PXN: variants seen among roughly 807,000 people sequenced by gnomAD.
The protein encoded by PXN is testicular tissue protein Li 134.
PXN carries 61 observed loss-of-function variants against 103.6 expected under a neutral mutation model. The ratio of observed to expected loss-of-function variants is 0.59; its 90% CI spans 0.48 to 0.73. The LOEUF (loss-of-function observed/expected upper bound fraction) is 0.73, where lower values mean the gene tolerates loss of function less well. Ranked by LOEUF, PXN falls within the 30% of genes least tolerant of loss-of-function variation. PXN has a pLI of 0.00. For missense variants in PXN, 1,274 were observed against 1,460.3 expected (o/e 0.87, Z 2.08); for synonymous variants, 562 against 607.8 (o/e 0.92, Z 1.11).
In PXN at chr12:120,223,772, T is replaced by A. The variant is rs1418288625; in HGVS notation, c.302A>T (p.Gln101Leu). The part of the protein sequence containing the change: ...SAKTSSVSNP[Q>L]DSVGSPCSRV... ...GGAGCACGGAGAGCCAACACTGTCC[T>A]GAGGGTTGGAGACACTGGAAGTTTT... Residue 101 changes from glutamine (Q) to leucine (L), a missense_variant, in exon 3 of 15, where the codon CAG becomes CTG. Coordinates refer to ENST00000637617, the MANE Select transcript of PXN (RefSeq NM_001385981.1). The A allele has an allele frequency of 6.2e-7, 1 of 1,610,174 alleles. No individual in the cohort carries two copies. Among genetic ancestry groups the A allele is most frequent in the Middle Eastern group, 1.7e-4 (1 of 6,058 alleles).
chr12:120,225,005 G>A lies in PXN; in HGVS notation c.14-628C>T. 3.2e-6 allele frequency: 1 copy of A among 315,850 alleles called. No homozygotes were observed. Among genetic ancestry groups the A allele is most frequent in the South Asian group, 2.6e-5 (1 of 38,678 alleles). The allele number at this position is 315,850 out of a possible 1,614,324, so 19.6% of individuals were successfully genotyped here. On this transcript the variant is annotated intron_variant, in intron 1 of 14. Transcript: ENST00000637617. The surrounding 1 kb of genome is among the most constrained non-coding windows in gnomAD (Gnocchi z 4.4). ...CGGTCCCCACCCCCTCAGTGAGCAG[G>A]GGGCAAGACTGCTCCATTGGCTGTT...
intron 1 of PXN, among the ~76,000 whole-genome samples, chr12:120,238,034 G>A (rs1033897472): frequency 1.3e-5 from 2 of 152,354 alleles, no homozygotes; most frequent in South Asian, 2.1e-4. Flanking sequence ...CAATTTCTCC[G>A]GAGGCCCGGA....
intron 1 of PXN, among the ~76,000 whole-genome samples, chr12:120,250,540 G>A (rs1464752458): frequency 6.6e-6 from 1 of 152,158 alleles, no homozygotes; most frequent in Non-Finnish European, 1.5e-5. Flanking sequence ...ACAGCTCCCT[G>A]TGGCAGCTCT....
intron 1 of PXN, among the ~76,000 whole-genome samples, chr12:120,252,001 C>A (rs1171380013): frequency 2.0e-5 from 3 of 151,984 alleles, no homozygotes; most frequent in Non-Finnish European, 2.9e-5. Context: ...ATTAGGAGAC[C>A]AAGGCTCAGA....
rs1461684003 is a variant in PXN at position 120,222,837 on chromosome 12, A to AC, written c.493+25dup. The AC allele has an allele frequency of 1.2e-6, 2 of 1,611,224 alleles. No homozygotes were observed. Among genetic ancestry groups the AC allele is most frequent in the East Asian group, 2.2e-5 (1 of 44,774 alleles). On this transcript the variant is annotated intron_variant, in intron 4 of 14. Coordinates refer to ENST00000637617, the MANE Select transcript of PXN (RefSeq NM_001385981.1). The surrounding 1 kb of genome is among the most constrained non-coding windows in gnomAD (Gnocchi z 4.7). Reference sequence around the variant, plus strand: ...GCAGATGGGCCCTGGGCCCTGGTAGACCCTGCCCCAGGGACCCGGTCCTAC... The same window carrying AC: ...GCAGATGGGCCCTGGGCCCTGGTAGACCCCTGCCCCAGGGACCCGGTCCTAC...
At chr12:120,227,431 G>T (rs1887110377) in intron 1 of PXN, among the ~76,000 whole-genome samples, 1 of 152,232 alleles carries the variant, frequency 6.6e-6, no homozygotes, top group Admixed American at 6.5e-5. Flanking sequence ...AGCCCAGGAG[G>T]TCAAGACTAC....
chr12:120,232,766 C>G (rs896467611), intron 1 of PXN, among the ~76,000 whole-genome samples: 2 of 152,110 alleles, frequency 1.3e-5, no homozygotes, highest in East Asian at 3.9e-4. Context: ...ACAAAAAGTT[C>G]AAAAGTTTGC....
rs186317892 is a variant in PXN at position 120,248,993 on chromosome 12, C to T, written c.13+16624G>A. On this transcript the variant is annotated intron_variant, in intron 1 of 14. Coordinates refer to ENST00000637617, the MANE Select transcript of PXN (RefSeq NM_001385981.1). ...CTCTACTAAAAATACAAAACTTAGT[C>T]AGATATGGTGTTGGGCACCTGTGAT... 2.0e-4 allele frequency among the ~76,000 whole-genome samples: 30 copies of T among 152,070 alleles called. No individual in the cohort carries two copies. In the East Asian group the frequency reaches 4.4e-3, roughly 23 times the overall value.
At chr12:120,246,134 C>T (rs370444660) in intron 1 of PXN, among the ~76,000 whole-genome samples, 145 of 152,094 alleles carry the variant, frequency 9.5e-4, no homozygotes, top group African/African-American at 3.3e-3. Context: ...CACCTATAAT[C>T]CCAGCGCATT....
In PXN at chr12:120,221,251, T is replaced by G. The variant is rs529815289; in HGVS notation, c.831+372A>C. Among the ~76,000 whole-genome samples, 15 of 152,226 alleles carry G rather than the reference T, an allele frequency of 9.9e-5. No homozygotes were observed. In the South Asian group the frequency reaches 3.1e-3, roughly 32 times the overall value. ...CAGGCACAGGCTCCCAAGTCCCACA[T>G]GGCCCAGCAGAGAATGCCCTCCCCC... is the stretch of plus-strand genomic sequence containing the variant. On this transcript the variant is annotated intron_variant, in intron 6 of 14. Coordinates refer to ENST00000637617, the MANE Select transcript of PXN (RefSeq NM_001385981.1). The surrounding 1 kb of genome is among the most constrained non-coding windows in gnomAD (Gnocchi z 6.6).
intron 1 of PXN, among the ~76,000 whole-genome samples, chr12:120,239,378 C>T (rs1201180886): frequency 4.6e-5 from 7 of 152,158 alleles, no homozygotes; most frequent in Non-Finnish European, 8.8e-5. Flanking sequence ...GTCAGGAGTT[C>T]GAGACCAGCC....
chr12:120,224,016 G>C lies in PXN; in HGVS notation c.240+135C>G, dbSNP rs1045137451. 3 of 817,040 alleles carry C rather than the reference G, an allele frequency of 3.7e-6. No individual in the cohort carries two copies. The South Asian group carries it at 5.3e-5, about 15-fold the overall frequency. The allele number at this position is 817,040 out of a possible 1,614,324, so 50.6% of individuals were successfully genotyped here. On this transcript the variant is annotated intron_variant, in intron 2 of 14. Transcript: ENST00000637617. This position sits in a 1 kb window ranked among gnomAD's most constrained non-coding sequence, Gnocchi z 5.0. The stretch of plus-strand genomic sequence containing the variant: ...CACTGTTCCACTCACGTGGTGAGTG[G>C]GAAGAGCAGTGTCTGGTTGGGAAGG...
chr12:120,251,036 T>C (rs1241803019), intron 1 of PXN, among the ~76,000 whole-genome samples: 1 of 151,702 alleles, frequency 6.6e-6, no homozygotes, highest in East Asian at 1.9e-4. Flanking sequence ...AAACCCCATC[T>C]CTACTAAAAA....
At chr12:120,254,910 C>A (rs1892762895) in intron 1 of PXN, among the ~76,000 whole-genome samples, 1 of 152,108 alleles carries the variant, frequency 6.6e-6, no homozygotes, top group Non-Finnish European at 1.5e-5. Context: ...GCTTAACGTG[C>A]TACACAAATG....
In PXN at chr12:120,214,706, C is replaced by T; in HGVS notation, c.2748+119G>A. 1 of 1,341,398 alleles carries T rather than the reference C, an allele frequency of 7.5e-7. No homozygotes were observed. Among genetic ancestry groups the T allele is most frequent in the South Asian group, 1.3e-5 (1 of 75,204 alleles). The allele number at this position is 1,341,398 out of a possible 1,614,324, so 83.1% of individuals were successfully genotyped here. On this transcript the variant is annotated intron_variant, in intron 12 of 14. Coordinates refer to ENST00000637617, the MANE Select transcript of PXN (RefSeq NM_001385981.1). This position sits in a 1 kb window ranked among gnomAD's most constrained non-coding sequence, Gnocchi z 5.0. ...GAATCCGGCCCCACTGTTCCCTAGC[C>T]CTGTGAGCCTCGGGCATGTGACCTC...
Position 120,219,694 on chromosome 12 carries a change from G to A in PXN, c.1229C>T (p.Ala410Val). The change falls in exon 7 of 15, where the codon GCT becomes GTT. Residue 410 changes from alanine (A) to valine (V), a missense_variant. This residue lies in a region of PXN where 1,178 missense variants were observed against 1,309.0 expected (regional missense o/e 0.90). Transcript: ENST00000637617. The surrounding 1 kb of genome is among the most constrained non-coding windows in gnomAD (Gnocchi z 6.5). ...CTGGGGCTCCCCAGGCTCTTGGAGA[G>A]CTGTGCTCCCAGCACAGGGTACAGT... ...CHTVPCAGST[A>V]LQEPGEPQGP... 1 of 1,592,982 alleles carries A rather than the reference G, an allele frequency of 6.3e-7. No individual in the cohort carries two copies. Among genetic ancestry groups the A allele is most frequent in the Non-Finnish European group, 8.5e-7 (1 of 1,177,490 alleles).
chr12:120,256,820 G>C (rs2006194), intron 1 of PXN, among the ~76,000 whole-genome samples: 33,815 of 151,966 alleles, frequency 0.22, 4,853 homozygotes, highest in East Asian at 0.45. Context: ...CAGGTTCAAG[G>C]AATTCTCCTG....
intron 1 of PXN, among the ~76,000 whole-genome samples, chr12:120,246,607 C>T (rs1347861565): frequency 1.3e-4 from 20 of 151,586 alleles, no homozygotes; most frequent in Non-Finnish European, 2.4e-4. Context: ...GTAATCCCAG[C>T]CCTTTGGGAG....
chr12:120,224,291 G>C lies in PXN; in HGVS notation c.100C>G (p.Pro34Ala), dbSNP rs570642293. Residue 34 changes from proline (P) to alanine (A), a missense_variant, in exon 2 of 15, where the codon CCA (proline) becomes GCA (alanine). Coordinates refer to ENST00000637617, the MANE Select transcript of PXN (RefSeq NM_001385981.1). The surrounding 1 kb of genome is among the most constrained non-coding windows in gnomAD (Gnocchi z 5.0). ...FLSEETPYSYPTGNHTYQEIA... is the reference protein window; with the variant it reads ...FLSEETPYSYATGNHTYQEIA... Reference sequence around the variant, plus strand: ...TCCTGGTATGTGTGGTTTCCAGTTGGGTATGAGTAGGGGGTCTCCTCCGAC... The same window carrying C: ...TCCTGGTATGTGTGGTTTCCAGTTGCGTATGAGTAGGGGGTCTCCTCCGAC... 5.0e-6 allele frequency: 8 copies of C among 1,613,940 alleles called. No individual in the cohort carries two copies. The East Asian group carries it at 1.3e-4, about 27-fold the overall frequency.
Sources: allele counts gnomAD v4.1 joint callset (sites outside exome capture counted in the v4.1 genomes callset), GRCh38; gene constraint gnomAD v4.1.1; regional missense constraint gnomAD v4.1.1; non-coding constraint Gnocchi (gnomAD v3.1); transcripts MANE v1.5; gene names NCBI Gene and HGNC (gene_info 2026-07-23, HGNC 2026-07-21).